Variants in DTNA observed in about 807,000 individuals in gnomAD.
The protein encoded by DTNA is dystrophin-related protein 3.
Under a neutral mutation model 100.7 loss-of-function variants are expected in DTNA, and 43 were observed. The ratio of observed to expected loss-of-function variants is 0.43; its 90% confidence interval spans 0.33 to 0.55. DTNA has a LOEUF of 0.55. Ranked by LOEUF, DTNA falls within the 20% of genes least tolerant of loss-of-function variation. The pLI is 0.04. For missense variants in DTNA, 798 were observed against 953.9 expected, an observed-to-expected ratio of 0.84 and a Z score of 2.15; for synonymous variants, 349 against 347.9, an observed-to-expected ratio of 1.00 and a Z score of -0.04.
rs189125078 is a variant in DTNA, at chr18:34,764,270, C to T, written c.68-1691C>T. On this transcript the variant is annotated intron_variant, in intron 2 of 22. Coordinates refer to ENST00000444659, the MANE Select transcript of DTNA (RefSeq NM_001386795.1). The stretch of plus-strand genomic sequence containing the variant: ...GCCAGTAAAGTTGATATTGTTATCT[C>T]GCTTTATCCATGAGGAAATTGAGAT... 1.4e-3 allele frequency among the ~76,000 whole-genome samples: 206 copies of T among 152,244 alleles called. 1 individual carries two copies. Among genetic ancestry groups the T allele is most frequent in the African/African-American group, 4.7e-3 (196 of 41,538 alleles).
chr18:34,753,383 ATTTTTTAT>A (rs2092523270), intron 1 of DTNA, among the ~76,000 whole-genome samples: 1 of 12,646 alleles, frequency 7.9e-5, no homozygotes, highest in African/African-American at 2.5e-4. Flanking sequence ...TTTTTTTTTT[ATTTTTTAT>A]TTTTTTTTTG....
At position 34,546,533 on chromosome 18, in the gene DTNA, A is replaced by G. The variant is rs140079590; in HGVS notation, c.-2+53019A>G. On this transcript the variant is annotated intron_variant, in intron 1 of 19. Coordinates refer to the DTNA transcript ENST00000283365. ...CTATGCTAGTAAATATGCCTCTGAC[A>G]AATTAGTCACATAGGTTCAATATCC... Among the ~76,000 whole-genome samples the G allele has an allele frequency of 4.8e-3, 737 of 152,234 alleles. 5 individuals are homozygous for G. The highest frequency in any genetic ancestry group is 0.016 in the African/African-American group (644 of 41,544).
intron 1 of DTNA, among the ~76,000 whole-genome samples, chr18:34,581,292 G>T (rs1467661414): frequency 6.8e-6 from 1 of 146,192 alleles, no homozygotes; most frequent in African/African-American, 2.7e-5. Context: ...AAACAAAAAA[G>T]AAACTGTGTT....
intron 11 of DTNA, among the ~76,000 whole-genome samples, chr18:34,832,198 T>C (rs1205922657): frequency 1.3e-5 from 2 of 152,230 alleles, no homozygotes; most frequent in Non-Finnish European, 2.9e-5. Flanking sequence ...ATAAAATAGA[T>C]AAATTTGTAA....
chr18:34,885,415 T>G (rs889059816), intron 22 of DTNA, among the ~76,000 whole-genome samples: 1 of 152,092 alleles, frequency 6.6e-6, no homozygotes, highest in African/African-American at 2.4e-5. Context: ...TGTGGAAAAT[T>G]CTCAGTAATT....
In DTNA at chr18:34,829,385, G is replaced by T. The variant is rs1434037181; in HGVS notation, c.1086-15G>T. On this transcript the variant is annotated splice_polypyrimidine_tract_variant and intron_variant, in intron 10 of 22. Coordinates refer to ENST00000444659, the MANE Select transcript of DTNA (RefSeq NM_001386795.1). The stretch of plus-strand genomic sequence containing the variant: ...TGGGAAGTTTTAATGAGGTCTCATT[G>T]TTTGACTCCCTCAGGTTACCTGAGG... 3.3e-6 allele frequency: 5 copies of T among 1,535,038 alleles called. No individual in the cohort carries two copies. Among genetic ancestry groups the T allele is most frequent in the Middle Eastern group, 1.7e-4 (1 of 5,830 alleles).
intron 1 of DTNA, among the ~76,000 whole-genome samples, chr18:34,529,390 A>G (rs1249085697): frequency 6.6e-6 from 1 of 152,134 alleles, no homozygotes; most frequent in Admixed American, 6.6e-5. Context: ...TGAAGACAGT[A>G]TAATGGTAGA....
At chr18:34,506,479 G>A (rs1362254487) in intron 1 of DTNA, among the ~76,000 whole-genome samples, 2 of 152,160 alleles carry the variant, frequency 1.3e-5, no homozygotes, top group South Asian at 4.1e-4. Context: ...TGGAAGTGTA[G>A]GTTTCCCACA....
chr18:34,649,445 AT>A (rs2060205054), intron 1 of DTNA, among the ~76,000 whole-genome samples: 1 of 152,214 alleles, frequency 6.6e-6, no homozygotes, highest in South Asian at 2.1e-4. Flanking sequence ...CAACCTAAAG[AT>A]AGAGCCTCAT....
At chr18:34,567,185 T>A (rs942840259) in intron 1 of DTNA, among the ~76,000 whole-genome samples, 3 of 152,238 alleles carry the variant, frequency 2.0e-5, no homozygotes, top group Non-Finnish European at 4.4e-5. Flanking sequence ...AACATTTTTT[T>A]AATTTAAGGA....
chr18:34,700,652 C>T (rs1363804724), intron 1 of DTNA, among the ~76,000 whole-genome samples: 2 of 152,216 alleles, frequency 1.3e-5, no homozygotes, highest in Non-Finnish European at 2.9e-5. Context: ...AACCACACAG[C>T]AGACCATGCT....
intron 1 of DTNA, among the ~76,000 whole-genome samples, chr18:34,518,565 C>CTA (rs1440743342): frequency 6.6e-6 from 1 of 151,084 alleles, no homozygotes; most frequent in Non-Finnish European, 1.5e-5. Context: ...ACATTTAAGT[C>CTA]TATGATCTAT....
intron 17 of DTNA, among the ~76,000 whole-genome samples, chr18:34,875,030 T>C (rs1033370489): frequency 2.6e-5 from 4 of 152,224 alleles, no homozygotes; most frequent in Non-Finnish European, 5.9e-5. Flanking sequence ...TAGCTTTCAA[T>C]ATTTAACCCA....
intron 1 of DTNA, among the ~76,000 whole-genome samples, chr18:34,749,980 T>G (rs2092148528): frequency 6.6e-6 from 1 of 152,138 alleles, no homozygotes; most frequent in Non-Finnish European, 1.5e-5. Context: ...ATAAATCAAT[T>G]AAAGGAGGAA....
intron 15 of DTNA, among the ~76,000 whole-genome samples, chr18:34,852,305 G>C (rs1420969495): frequency 1.3e-5 from 2 of 152,014 alleles, no homozygotes; most frequent in African/African-American, 4.8e-5. Context: ...AGGCTCACCA[G>C]AGAGGCCCCC....
At chr18:34,533,799 T>A (rs1221452704) in intron 1 of DTNA, among the ~76,000 whole-genome samples, 1 of 152,102 alleles carries the variant, frequency 6.6e-6, no homozygotes, top group Non-Finnish European at 1.5e-5. Flanking sequence ...TTTCAAAATA[T>A]CTTGATTGAA....
intron 1 of DTNA, among the ~76,000 whole-genome samples, chr18:34,508,324 G>A (rs953829874): frequency 2.6e-5 from 4 of 152,246 alleles, no homozygotes; most frequent in Non-Finnish European, 5.9e-5. Context: ...AGACAGATGC[G>A]TATGTGGATG....
intron 3 of DTNA, among the ~76,000 whole-genome samples, chr18:34,778,939 TC>T (rs1354971388): frequency 1.3e-4 from 19 of 151,618 alleles, no homozygotes; most frequent in Admixed American, 8.5e-4. Flanking sequence ...TGCCTCAGCC[TC>T]CCAAGTAGCT....
At chr18:34,782,507 C>A (rs1024269169) in intron 3 of DTNA, among the ~76,000 whole-genome samples, 1 of 152,106 alleles carries the variant, frequency 6.6e-6, no homozygotes, top group African/African-American at 2.4e-5. Flanking sequence ...GTGAAGTGCT[C>A]TGGGAGCAAC....
Sources: gnomAD v4.1 joint callset for allele counts (sites outside exome capture counted in the v4.1 genomes callset) on GRCh38, gnomAD v4.1.1 for gene constraint, MANE v1.5 for transcripts, NCBI Gene and HGNC (gene_info 2026-07-23, HGNC 2026-07-21) for gene names.